Variants in PELP1 observed in about 807,000 individuals in gnomAD.
PELP1 encodes the protein proline-, glutamic acid- and leucine-rich protein 1.
A neutral mutation model predicts 95.5 loss-of-function variants in PELP1; 32 were observed. That is an observed-to-expected ratio of 0.34 (90% CI 0.25 to 0.45). PELP1 has a LOEUF of 0.45. Among genes scored for constraint, PELP1 ranks in the 20% least tolerant of loss-of-function variants. PELP1 has a pLI of 1.00. For missense variants in PELP1, 1,358 were observed against 1,444.8 expected, an observed-to-expected ratio of 0.94 and a Z score of 0.97; for synonymous variants, 668 against 600.1, an observed-to-expected ratio of 1.11 and a Z score of -1.65.
At chr17:4,689,772 A>G (rs987878375) in intron 3 of PELP1, among the ~76,000 whole-genome samples, 1 of 152,236 alleles carries the variant, frequency 6.6e-6, no homozygotes, top group African/African-American at 2.4e-5. Context: ...TCATGCCTGT[A>G]ATCCCAGCAC....
chr17:4,688,012 G>C (rs556618347), intron 3 of PELP1, among the ~76,000 whole-genome samples: 1 of 152,260 alleles, frequency 6.6e-6, no homozygotes, highest in South Asian at 2.1e-4. Context: ...GGAAGTCCTA[G>C]CCAGAGCAAT....
intron 6 of PELP1, 90 bp downstream of exon 6, chr17:4,676,663 G>T: frequency 7.2e-7 from 1 of 1,387,566 alleles, no homozygotes; most frequent in South Asian, 1.2e-5. Context: ...ATGGGCATAT[G>T]AAGGCAGGAC....
At chr17:4,676,720 C>T in intron 6 of PELP1, 33 bp downstream of exon 6, 1 of 1,538,050 alleles carries the variant, frequency 6.5e-7, no homozygotes, top group Non-Finnish European at 8.8e-7. Flanking sequence ...GGCTCAGATC[C>T]CCGGGCTCTC....
rs138623257 is a variant in PELP1, at chr17:4,701,930, G to A, written c.249+1933C>T. 2.4e-4 allele frequency among the ~76,000 whole-genome samples: 36 copies of A among 152,158 alleles called. No individual in the cohort carries two copies. The East Asian group carries it at 3.5e-3, about 15-fold the overall frequency. ...AGTAGCACAGGAAATATTAAAGGGC[G>A]GCCCTAGTTTCCCACATCACTCTTA... On this transcript the variant is annotated intron_variant, in intron 1 of 16. Transcript: ENST00000572293.
intron 1 of PELP1, among the ~76,000 whole-genome samples, chr17:4,694,374 G>A (rs1277754198): frequency 6.6e-6 from 1 of 151,774 alleles, no homozygotes; most frequent in South Asian, 2.1e-4. Flanking sequence ...AACTGTGGCC[G>A]GGCGCAGTGG....
At chr17:4,683,432 G>C (rs530614020) in intron 3 of PELP1, among the ~76,000 whole-genome samples, 1 of 151,194 alleles carries the variant, frequency 6.6e-6, no homozygotes, top group Non-Finnish European at 1.5e-5. Context: ...ATGTTAGCCA[G>C]GATGGTCTCG....
rs767336178 is a variant in PELP1, at chr17:4,703,881, C to T, written c.231G>A (p.Gly77=). The stretch of plus-strand genomic sequence containing the variant: ...GACTCACCTGGGCCCCGCCCACCGA[C>T]CCATGCAGCCGCAATAGGCACATGA... ...PGLMCLLRLH[G]SVGGAQNLSA... is the part of the protein sequence containing the mutation. Residue 77 remains glycine (G), a synonymous_variant, in exon 1 of 17, where the codon GGG becomes GGA. Transcript: ENST00000572293. The T allele has an allele frequency of 5.0e-6, 8 of 1,612,386 alleles. No individual in the cohort carries two copies. The highest frequency in any genetic ancestry group is 1.1e-5 in the South Asian group (1 of 91,012).
chr17:4,683,531 C>CTTTTTTTTTTTTTTTTT (rs59870828), intron 3 of PELP1, among the ~76,000 whole-genome samples: 3 of 96,562 alleles, frequency 3.1e-5, no homozygotes, highest in African/African-American at 1.2e-4. Context: ...GTTTTCTTTT[C>CTTTTTTTTTTTTTTTTT]TTTTTTTTTT....
intron 5 of PELP1, among the ~76,000 whole-genome samples, chr17:4,681,314 G>A (rs763335778): frequency 1.3e-5 from 2 of 151,908 alleles, no homozygotes; most frequent in South Asian, 2.1e-4. Context: ...GTGATACCTC[G>A]TCTCTACAAC....
chr17:4,682,383 G>C, intron 5 of PELP1, 119 bp downstream of exon 5: 1 of 699,836 alleles, frequency 1.4e-6, no homozygotes, highest in Middle Eastern at 2.4e-4. Flanking sequence ...TGTACTTGTG[G>C]AGATAGGTAA....
chr17:4,694,495 T>TCCAAAAAAAAAAAAAAA (rs1913219635), intron 1 of PELP1, among the ~76,000 whole-genome samples: 4 of 1,820 alleles, frequency 2.2e-3, no homozygotes, highest in Admixed American at 6.2e-3. Context: ...CTACCAAAAA[T>TCCAAAAAAAAAAAAAAA]ACAAAAAAAA....
intron 3 of PELP1, 127 bp from the exon 4 acceptor site, chr17:4,683,079 C>T: frequency 7.5e-7 from 1 of 1,332,358 alleles, no homozygotes. Context: ...CAAGCCACTA[C>T]CTGGCAGAAA....
chr17:4,682,391 TA>T, intron 5 of PELP1, 110 bp downstream of exon 5: 1 of 727,116 alleles, frequency 1.4e-6, no homozygotes, highest in Non-Finnish European at 2.4e-6. Flanking sequence ...TGGAGATAGG[TA>T]ACTTTAAAGG....
Position 4,672,037 on chromosome 17 carries a change from G to A in PELP1, c.2954C>T (p.Ala985Val), listed in dbSNP as rs1322712910. The part of the protein sequence containing the change: ...GAPPPPTLPP[A>V]LPPPESPPKV... ...TGGGGGAGACTCAGGGGGAGGCAGA[G>A]CTGGAGGCAGGGTTGGGGGTGGAGG... The change falls in exon 16 of 17, where the codon GCT (alanine) becomes GTT (valine). Residue 985 changes from alanine to valine, a missense_variant. By Grantham distance (64) the Ala-to-Val change is moderately conservative. Coordinates refer to ENST00000572293, the MANE Select transcript of PELP1 (RefSeq NM_014389.3). 7.7e-6 allele frequency: 12 copies of A among 1,566,560 alleles called. No homozygotes were observed. The highest frequency in any genetic ancestry group is 1.2e-5 in the South Asian group (1 of 83,314).
chr17:4,696,154 C>A (rs1314113192), intron 1 of PELP1, among the ~76,000 whole-genome samples: 2 of 151,894 alleles, frequency 1.3e-5, no homozygotes, highest in South Asian at 2.1e-4. Context: ...CGAGGGAGAC[C>A]CCCATTCTCC....
rs571968248 is a variant in PELP1, at chr17:4,682,580, G to C, written c.571-7C>G. 3.7e-6 allele frequency: 6 copies of C among 1,608,758 alleles called. No individual in the cohort carries two copies. Among genetic ancestry groups the C allele is most frequent in the Non-Finnish European group, 5.1e-6 (6 of 1,175,242 alleles). On this transcript the variant is annotated splice_region_variant and splice_polypyrimidine_tract_variant and intron_variant, in intron 4 of 16. Transcript: ENST00000572293. Reference sequence around the variant, plus strand: ...CCAATGCTGACTGCTCACACTGTAGGAAAAACAAAGGGAGAAACGAGAGGC... The same window carrying C: ...CCAATGCTGACTGCTCACACTGTAGCAAAAACAAAGGGAGAAACGAGAGGC...
Position 4,695,018 on chromosome 17 carries a change from A to G in PELP1, c.250-3576T>C, listed in dbSNP as rs1295033805. 8.0e-5 allele frequency among the ~76,000 whole-genome samples: 12 copies of G among 149,632 alleles called. No individual in the cohort carries two copies. The Admixed American group carries it at 8.1e-4, about 10-fold the overall frequency. On this transcript the variant is annotated intron_variant, in intron 1 of 16. Transcript: ENST00000572293. ...ACTCCAGCCTGGGTGACAATGTGAGACTCCATTTCGAAAAAAATAAAAGGC... is the reference window on the plus strand; with the variant it reads ...ACTCCAGCCTGGGTGACAATGTGAGGCTCCATTTCGAAAAAAATAAAAGGC...
chr17:4,682,425 G>C, intron 5 of PELP1, 77 bp downstream of exon 5: 1 of 932,662 alleles, frequency 1.1e-6, no homozygotes, highest in Non-Finnish European at 1.8e-6. Flanking sequence ...TAGGTGCTTA[G>C]GAATCTCAGG....
In PELP1 at chr17:4,672,068, C is replaced by T; in HGVS notation, c.2923G>A (p.Gly975Ser). The change falls in exon 16 of 17, where the codon GGT becomes AGT. Residue 975 changes from glycine to serine, a missense_variant. By Grantham distance (56) the Gly-to-Ser change is moderately conservative (BLOSUM62 0). Coordinates refer to ENST00000572293, the MANE Select transcript of PELP1 (RefSeq NM_014389.3). ...GGCAGGGTTGGGGGTGGAGGTGCAC[C>T]TTCTTCTACCTCCCCTCCTGCTGTG... ...FGTAGGEVEE[G>S]APPPPTLPPA... 6.4e-7 allele frequency: 1 copy of T among 1,556,882 alleles called. No homozygotes were observed. The highest frequency in any genetic ancestry group is 8.7e-7 in the Non-Finnish European group (1 of 1,150,200).
Sources: allele counts gnomAD v4.1 joint callset (sites outside exome capture counted in the v4.1 genomes callset), GRCh38; gene constraint gnomAD v4.1.1; transcripts MANE v1.5; gene names NCBI Gene and HGNC (gene_info 2026-07-23, HGNC 2026-07-21).